Variants in UST observed in about 807,000 individuals in gnomAD.
UST encodes chondroitin sulfate 2-O-sulfotransferase.
In UST, 21 loss-of-function variants were observed where a neutral mutation model predicts 45.6. The observed-to-expected ratio is 0.46, with a 90% CI of 0.33 to 0.66. UST has a LOEUF of 0.66. Ranked by LOEUF, UST falls within the 30% of genes least tolerant of loss-of-function variation. The pLI is 0.02. For synonymous variants in UST, 215 were observed against 200.6 expected (o/e 1.07, Z -0.61); for missense variants, 463 against 512.4 (o/e 0.90, Z 0.93).
chr6:148,999,537 T>C (rs1007037376), intron 5 of UST, among the ~76,000 whole-genome samples: 3 of 152,238 alleles, frequency 2.0e-5, no homozygotes, highest in Non-Finnish European at 2.9e-5. Flanking sequence ...GCAACACCAT[T>C]AAGACAAACT....
chr6:148,943,800 T>A (rs1780178946), intron 3 of UST, among the ~76,000 whole-genome samples: 1 of 152,226 alleles, frequency 6.6e-6, no homozygotes, highest in African/African-American at 2.4e-5. Flanking sequence ...TCCAGATTTC[T>A]ATTAAATTGT....
chr6:149,051,143 G>A lies in UST; in HGVS notation c.938-22690G>A, dbSNP rs563592887. ...AGAGTGAGGGCCACAGACCAGCATC[G>A]ACCAGAAGCCTCCACGGTGAAATAT... On this transcript the variant is annotated intron_variant, in intron 7 of 7. Transcript: ENST00000367463. Among the ~76,000 whole-genome samples the A allele has an allele frequency of 3.9e-5, 6 of 152,320 alleles. No individual in the cohort carries two copies. The East Asian group carries it at 5.8e-4, about 15-fold the overall frequency.
intron 1 of UST, among the ~76,000 whole-genome samples, chr6:148,777,710 A>C (rs1389397417): frequency 6.6e-6 from 1 of 152,080 alleles, no homozygotes; most frequent in Non-Finnish European, 1.5e-5. Context: ...ACACCCAGCT[A>C]CTTTTTGTAC....
chr6:148,870,492 C>A (rs1470495078), intron 1 of UST, among the ~76,000 whole-genome samples: 1 of 152,216 alleles, frequency 6.6e-6, no homozygotes, highest in Admixed American at 6.5e-5. Context: ...CTTAGACTCA[C>A]CATCCAGCAG....
intron 2 of UST, among the ~76,000 whole-genome samples, chr6:148,930,221 C>T (rs145623639): frequency 2.0e-5 from 3 of 152,170 alleles, no homozygotes; most frequent in African/African-American, 7.2e-5. Flanking sequence ...GCAGTGTCAG[C>T]GTTCAATTCC....
At chr6:148,907,268 G>A (rs1779381739) in intron 2 of UST, among the ~76,000 whole-genome samples, 1 of 152,126 alleles carries the variant, frequency 6.6e-6, no homozygotes, top group African/African-American at 2.4e-5. Flanking sequence ...GAAAAGTACT[G>A]CATTTAAGAT....
intron 1 of UST, among the ~76,000 whole-genome samples, chr6:148,833,120 G>A (rs959489057): frequency 1.3e-5 from 2 of 152,198 alleles, no homozygotes; most frequent in African/African-American, 2.4e-5. Flanking sequence ...TTAGGACTAT[G>A]AAGACAGTAT....
chr6:148,863,743 G>C (rs1778365800), intron 1 of UST, among the ~76,000 whole-genome samples: 1 of 151,990 alleles, frequency 6.6e-6, no homozygotes, highest in South Asian at 2.1e-4. Context: ...CTCAGCTGCA[G>C]GTCTGTTGGA....
chr6:148,994,515 T>C (rs918025260), intron 5 of UST, among the ~76,000 whole-genome samples: 12 of 152,166 alleles, frequency 7.9e-5, no homozygotes, highest in African/African-American at 2.9e-4. Context: ...GGGACTAATA[T>C]TGAAGTGAGT....
At chr6:149,000,578 A>G (rs1453974662) in intron 5 of UST, among the ~76,000 whole-genome samples, 1 of 152,206 alleles carries the variant, frequency 6.6e-6, no homozygotes, top group African/African-American at 2.4e-5. Context: ...AAAAAATCCA[A>G]TACCAAGAAA....
rs375761236 is a variant in UST, at chr6:148,856,967, A to C, written c.248-30019A>C. 8.1e-5 allele frequency among the ~76,000 whole-genome samples: 12 copies of C among 148,962 alleles called. No individual in the cohort carries two copies. In the South Asian group the frequency reaches 8.4e-4, roughly 10 times the overall value. ...TGTGATATATATATTACATTATATA[A>C]TAAATTACATATATTATTACATATA... On this transcript the variant is annotated intron_variant, in intron 1 of 7. Transcript: ENST00000367463.
At chr6:149,016,068 T>C (rs1775893007) in intron 5 of UST, among the ~76,000 whole-genome samples, 1 of 152,174 alleles carries the variant, frequency 6.6e-6, no homozygotes, top group Non-Finnish European at 1.5e-5. Context: ...TCATTTCTGC[T>C]TCCTCTGGAT....
intron 5 of UST, among the ~76,000 whole-genome samples, chr6:148,993,856 T>G (rs1234821137): frequency 6.6e-6 from 1 of 151,948 alleles, no homozygotes; most frequent in Non-Finnish European, 1.5e-5. Flanking sequence ...CCCTAGAAGC[T>G]GAGCAGATGC....
chr6:148,928,520 T>A (rs1038642493), intron 2 of UST, among the ~76,000 whole-genome samples: 5 of 152,230 alleles, frequency 3.3e-5, no homozygotes, highest in African/African-American at 9.6e-5. Context: ...AACAGTTCCC[T>A]ATAGGAAATG....
chr6:149,068,169 G>A (rs1472934016), intron 7 of UST, among the ~76,000 whole-genome samples: 2 of 152,162 alleles, frequency 1.3e-5, no homozygotes, highest in African/African-American at 4.8e-5. Flanking sequence ...GTAGGCTCTA[G>A]GCCTGGACAT....
At chr6:148,805,339 T>C (rs1038036319) in intron 1 of UST, among the ~76,000 whole-genome samples, 3 of 152,202 alleles carry the variant, frequency 2.0e-5, no homozygotes, top group African/African-American at 7.2e-5. Context: ...TGAAAAAGAA[T>C]AGGAAATGAA....
chr6:148,978,936 C>A (rs920439276), intron 5 of UST, among the ~76,000 whole-genome samples: 1 of 152,030 alleles, frequency 6.6e-6, no homozygotes, highest in African/African-American at 2.4e-5. Context: ...TACTTTTATT[C>A]TACTAGAGTA....
rs1024553059 is a variant in UST at position 149,048,134 on chromosome 6, T to A, written c.938-25699T>A. 2.0e-5 allele frequency among the ~76,000 whole-genome samples: 3 copies of A among 151,840 alleles called. 1 individual carries two copies. The South Asian group carries it at 6.2e-4, about 32-fold the overall frequency. On this transcript the variant is annotated intron_variant, in intron 7 of 7. Coordinates refer to ENST00000367463, the MANE Select transcript of UST (RefSeq NM_005715.3). ...AGATGGTCTAAAGAGTTCATTTTTT[T>A]TTTAATGAAAATATGAAAGGAATAG...
chr6:148,803,012 C>T (rs1777080439), intron 1 of UST, among the ~76,000 whole-genome samples: 1 of 152,074 alleles, frequency 6.6e-6, no homozygotes, highest in African/African-American at 2.4e-5. Context: ...ATGGTATGAA[C>T]ATTTTTATTA....
Sources: gnomAD v4.1 joint callset for allele counts (sites outside exome capture counted in the v4.1 genomes callset) on GRCh38, gnomAD v4.1.1 for gene constraint, MANE v1.5 for transcripts, NCBI Gene and HGNC (gene_info 2026-07-23, HGNC 2026-07-21) for gene names.